Variants in SHLD1 observed in about 807,000 individuals in gnomAD.
SHLD1 encodes RINN1-REV7-interacting novel NHEJ regulator 3.
A neutral mutation model predicts 5.5 loss-of-function variants in SHLD1; 3 were observed. That is an observed-to-expected ratio of 0.54 (90% CI 0.25 to 1.40). The LOEUF (loss-of-function observed/expected upper bound fraction) is 1.40. Ranked by LOEUF, SHLD1 falls within the 40% of genes most tolerant of loss-of-function variation. The probability of loss-of-function intolerance (pLI) is 0.15; values close to 1 mark genes in which losing one functional copy is unlikely to be tolerated. For missense variants in SHLD1, 210 were observed against 244.4 expected, an observed-to-expected ratio of 0.86 and a Z score of 0.94; for synonymous variants, 92 against 94.3, an observed-to-expected ratio of 0.98 and a Z score of 0.14.
chr20:5,757,071 CTT>C (rs753877287), intron 1 of SHLD1, among the ~76,000 whole-genome samples: 6 of 123,198 alleles, frequency 4.9e-5, no homozygotes, highest in Admixed American at 8.3e-5. Flanking sequence ...TTCTTTCTTT[CTT>C]TTTTTTTTTT....
intron 2 of SHLD1, among the ~76,000 whole-genome samples, chr20:5,858,718 C>G (rs952482230): frequency 2.0e-5 from 3 of 152,088 alleles, no homozygotes; most frequent in Non-Finnish European, 4.4e-5. Context: ...ACCTGTGGTC[C>G]CAGCTACTCG....
intron 2 of SHLD1, among the ~76,000 whole-genome samples, chr20:5,814,883 G>C (rs866796988): frequency 4.2e-4 from 64 of 151,794 alleles, no homozygotes; most frequent in African/African-American, 1.5e-3. Flanking sequence ...GAATTCCTGG[G>C]CTCAAGAGAT....
chr20:5,861,840 C>T (rs886650849), intron 2 of SHLD1, among the ~76,000 whole-genome samples: 3 of 152,094 alleles, frequency 2.0e-5, no homozygotes, highest in African/African-American at 4.8e-5. Context: ...TGATTGAGTT[C>T]GTAGGGGCAG....
intron 1 of SHLD1, among the ~76,000 whole-genome samples, chr20:5,759,362 C>G (rs572180710): frequency 1.3e-5 from 2 of 151,734 alleles, no homozygotes; most frequent in African/African-American, 4.8e-5. Flanking sequence ...TGGCTTCAAG[C>G]GATTCTCATG....
intron 2 of SHLD1, among the ~76,000 whole-genome samples, chr20:5,822,059 G>A (rs550864539): frequency 5.4e-4 from 82 of 152,334 alleles, no homozygotes; most frequent in African/African-American, 1.9e-3. Flanking sequence ...ATAGGTGACT[G>A]GCCAGGCAAA....
intron 2 of SHLD1, among the ~76,000 whole-genome samples, chr20:5,775,917 C>T (rs1033690644): frequency 6.5e-5 from 5 of 76,502 alleles, no homozygotes; most frequent in African/African-American, 2.7e-4. Flanking sequence ...GCCTGGTCAG[C>T]TCAGGATTTT....
chr20:5,862,903 A>G, intron 2 of SHLD1, 121 bp from the exon 3 acceptor site: 1 of 849,272 alleles, frequency 1.2e-6, no homozygotes, highest in South Asian at 1.8e-5. Context: ...GATATTTCCC[A>G]TTGCCAGTTA....
At chr20:5,803,575 T>TA (rs1317528098) in intron 2 of SHLD1, among the ~76,000 whole-genome samples, 2 of 150,698 alleles carry the variant, frequency 1.3e-5, no homozygotes, top group East Asian at 1.9e-4. Flanking sequence ...ATTTAACATT[T>TA]AAAAAAAAAC....
rs1699233 is a variant in SHLD1 at position 5,863,166 on chromosome 20, T to G, written c.321T>G (p.Gly107=). 1 of 1,613,860 alleles carries G rather than the reference T, an allele frequency of 6.2e-7. No homozygotes were observed. Among genetic ancestry groups the G allele is most frequent in the Non-Finnish European group, 8.5e-7 (1 of 1,179,954 alleles). Residue 107 remains glycine, a synonymous_variant, in exon 3 of 3, where the codon GGT becomes GGG. Transcript: ENST00000303142. ...KSLDRFYEMF[G]HPQPGSANSL... is the part of the protein sequence containing the mutation. ...TGGATAGATTCTATGAAATGTTTGG[T>G]CATCCACAGCCAGGCTCTGCAAACT... is the stretch of plus-strand genomic sequence containing the variant.
At chr20:5,777,589 A>T (rs1363967184) in intron 2 of SHLD1, among the ~76,000 whole-genome samples, 1 of 142,618 alleles carries the variant, frequency 7.0e-6, no homozygotes, top group Non-Finnish European at 1.5e-5. Context: ...CTAGCTAATT[A>T]AAAAAAATTT....
intron 2 of SHLD1, among the ~76,000 whole-genome samples, chr20:5,805,432 C>T (rs557379254): frequency 2.0e-5 from 3 of 151,916 alleles, no homozygotes; most frequent in East Asian, 3.9e-4. Context: ...GCTGAGATTA[C>T]AGGCGTGAGA....
intron 2 of SHLD1, among the ~76,000 whole-genome samples, chr20:5,786,494 G>A (rs1341656638): frequency 2.6e-5 from 4 of 152,146 alleles, no homozygotes; most frequent in African/African-American, 4.8e-5. Context: ...AGGATTGCTT[G>A]AGCGCAGGAG....
At chr20:5,847,071 A>G (rs1212728076) in intron 2 of SHLD1, among the ~76,000 whole-genome samples, 3 of 152,108 alleles carry the variant, frequency 2.0e-5, no homozygotes, top group East Asian at 1.9e-4. Context: ...AATGATAGCC[A>G]TATGAAGATC....
chr20:5,863,215 T>C lies in SHLD1; in HGVS notation c.370T>C (p.Cys124Arg). Residue 124 changes from cysteine to arginine, a missense_variant, in exon 3 of 3, where the codon TGC becomes CGC. Transcript: ENST00000303142. ...CTCACTCTCTGCATCTGTCTGCAAGTGCCTGTCTCAGAAAATCACTCAACT... is the reference window on the plus strand; with the variant it reads ...CTCACTCTCTGCATCTGTCTGCAAGCGCCTGTCTCAGAAAATCACTCAACT... ...ANSLSASVCK[C>R]LSQKITQLRG... 1.2e-6 allele frequency: 2 copies of C among 1,614,186 alleles called. No individual in the cohort carries two copies. The highest frequency in any genetic ancestry group is 1.1e-5 in the South Asian group (1 of 91,080).
rs148932486 is a variant in SHLD1 at position 5,773,563 on chromosome 20, G to A, written c.178+520G>A. On this transcript the variant is annotated intron_variant, in intron 2 of 2. Transcript: ENST00000303142. ...TGATAATTCCCTGATGTAGGTAGTGGCCGTCTTTAGTGGTAAAGCCCTCTC... is the reference window on the plus strand; with the variant it reads ...TGATAATTCCCTGATGTAGGTAGTGACCGTCTTTAGTGGTAAAGCCCTCTC... 1,425 of 171,652 alleles carry A rather than the reference G, an allele frequency of 8.3e-3. 26 individuals are homozygous for A. The highest frequency in any genetic ancestry group is 0.032 in the African/African-American group (1,354 of 41,922). 10.6% of individuals were successfully genotyped at this position (171,652 alleles called of 1,614,324 possible).
At chr20:5,799,854 C>G (rs1280084906) in intron 2 of SHLD1, among the ~76,000 whole-genome samples, 2 of 152,262 alleles carry the variant, frequency 1.3e-5, no homozygotes, top group Middle Eastern at 3.4e-3. Context: ...ACATGAGAAC[C>G]TGGAATGATT....
chr20:5,782,050 C>T (rs1242278620), intron 2 of SHLD1, among the ~76,000 whole-genome samples: 2 of 152,128 alleles, frequency 1.3e-5, no homozygotes, highest in Non-Finnish European at 2.9e-5. Flanking sequence ...GTCTTAGCTG[C>T]ATTGTTCCCC....
intron 2 of SHLD1, among the ~76,000 whole-genome samples, chr20:5,779,888 C>A (rs543155388): frequency 1.3e-5 from 2 of 151,846 alleles, no homozygotes; most frequent in East Asian, 3.9e-4. Context: ...GAACTTGGGA[C>A]CTGGCTCCCC....
At chr20:5,824,649 A>T (rs2087645902) in intron 2 of SHLD1, among the ~76,000 whole-genome samples, 1 of 149,746 alleles carries the variant, frequency 6.7e-6, no homozygotes, top group Non-Finnish European at 1.5e-5. Context: ...TTTGGGACAA[A>T]CCTGGCTCCC....
Sources: gnomAD v4.1 joint callset for allele counts (sites outside exome capture counted in the v4.1 genomes callset) on GRCh38, gnomAD v4.1.1 for gene constraint, MANE v1.5 for transcripts, NCBI Gene and HGNC (gene_info 2026-07-23, HGNC 2026-07-21) for gene names.